Variants in ARHGAP26 observed in about 807,000 individuals in gnomAD.
ARHGAP26 encodes the protein rho GTPase-activating protein 26.
A neutral mutation model predicts 104.8 loss-of-function variants in ARHGAP26; 38 were observed. That is an observed-to-expected ratio of 0.36 (90% confidence interval 0.28 to 0.48). ARHGAP26 has a LOEUF of 0.48. ARHGAP26 is among the 20% of genes least tolerant of loss of function. The probability of loss-of-function intolerance (pLI) is 0.99; values close to 1 mark genes in which losing one functional copy is unlikely to be tolerated. For missense variants in ARHGAP26, 704 were observed against 947.9 expected, an observed-to-expected ratio of 0.74 and a Z score of 3.38; for synonymous variants, 341 against 340.0, an observed-to-expected ratio of 1.00 and a Z score of -0.03.
At chr5:142,837,553 G>A (rs1268056471) in intron 1 of ARHGAP26, among the ~76,000 whole-genome samples, 1 of 152,208 alleles carries the variant, frequency 6.6e-6, no homozygotes, top group Non-Finnish European at 1.5e-5. Context: ...AGTTGTGCCT[G>A]CTTCTCCTGC....
intron 17 of ARHGAP26, among the ~76,000 whole-genome samples, chr5:143,120,166 G>A (rs922669230): frequency 6.6e-6 from 1 of 152,200 alleles, no homozygotes; most frequent in Non-Finnish European, 1.5e-5. Flanking sequence ...TGATTTATAT[G>A]TTTTTATACA....
chr5:142,770,434 T>A lies in ARHGAP26; in HGVS notation c.-328T>A, dbSNP rs1754965486. On this transcript the variant is annotated 5_prime_UTR_variant, in exon 1 of 23. Coordinates refer to ENST00000645722, the MANE Select transcript of ARHGAP26 (RefSeq NM_001135608.3). ...GAGGGCGCTCGAGGCTGCCGAGAGCTAGCTAGCGAAGGAGGCGGGGAGGCG... is the reference window on the plus strand; with the variant it reads ...GAGGGCGCTCGAGGCTGCCGAGAGCAAGCTAGCGAAGGAGGCGGGGAGGCG... 1 of 192,892 alleles carries A rather than the reference T, an allele frequency of 5.2e-6. No individual in the cohort carries two copies. Among genetic ancestry groups the A allele is most frequent in the South Asian group, 1.9e-4 (1 of 5,216 alleles). The allele number at this position is 192,892 out of a possible 1,614,324, so 11.9% of individuals were successfully genotyped here.
chr5:143,166,695 A>G (rs1047859567), intron 20 of ARHGAP26, among the ~76,000 whole-genome samples: 7 of 152,176 alleles, frequency 4.6e-5, no homozygotes, highest in Non-Finnish European at 8.8e-5. Context: ...GAAAGCATCT[A>G]TGGACTGGAG....
In ARHGAP26 at chr5:143,176,339, T is replaced by G. The variant is rs1032146308; in HGVS notation, c.1988+28958T>G. On this transcript the variant is annotated intron_variant, in intron 20 of 22. Coordinates refer to ENST00000645722, the MANE Select transcript of ARHGAP26 (RefSeq NM_001135608.3). ...TTATATTTATGAACTGACGTTCACT[T>G]CTTAGATGGTAGGAATTAATCCAGT... Among the ~76,000 whole-genome samples, 54 of 152,184 alleles carry G rather than the reference T, an allele frequency of 3.5e-4. 3 individuals carry two copies. Among genetic ancestry groups the G allele is most frequent in the Non-Finnish European group, 5.9e-5 (4 of 68,040 alleles).
intron 17 of ARHGAP26, among the ~76,000 whole-genome samples, chr5:143,084,692 C>T (rs1790299435): frequency 6.6e-6 from 1 of 152,194 alleles, no homozygotes; most frequent in Admixed American, 6.5e-5. Context: ...GAATAACCAG[C>T]TGCTTGTAGG....
intron 1 of ARHGAP26, among the ~76,000 whole-genome samples, chr5:142,808,977 A>G (rs368122178): frequency 2.0e-5 from 3 of 152,354 alleles, no homozygotes; most frequent in African/African-American, 7.2e-5. Flanking sequence ...CTTGCCCATC[A>G]GATGGCTGCC....
intron 1 of ARHGAP26, among the ~76,000 whole-genome samples, chr5:142,779,612 G>A (rs1394536764): frequency 6.6e-6 from 1 of 152,324 alleles, no homozygotes; most frequent in Admixed American, 6.5e-5. Flanking sequence ...AAAAGATACC[G>A]CTGGTAAGTT....
chr5:142,875,915 T>C (rs1043281994), intron 3 of ARHGAP26, among the ~76,000 whole-genome samples: 2 of 152,192 alleles, frequency 1.3e-5, no homozygotes, highest in Admixed American at 1.3e-4. Flanking sequence ...TAATTTATTT[T>C]TGTTTTTTGT....
At chr5:142,832,257 A>G (rs1249118206) in intron 1 of ARHGAP26, among the ~76,000 whole-genome samples, 3 of 152,214 alleles carry the variant, frequency 2.0e-5, no homozygotes, top group Non-Finnish European at 4.4e-5. Flanking sequence ...AACTCCCAAT[A>G]TAACTACTTG....
chr5:142,858,094 T>TGTGTGAGAGAGA (rs1424264346), intron 1 of ARHGAP26, among the ~76,000 whole-genome samples: 1 of 127,172 alleles, frequency 7.9e-6, no homozygotes, highest in African/African-American at 3.1e-5. Flanking sequence ...TGTGTGTGTG[T>TGTGTGAGAGAGA]GAGAGAGAGA....
At chr5:143,171,149 G>A (rs1227856142) in intron 20 of ARHGAP26, among the ~76,000 whole-genome samples, 1 of 152,202 alleles carries the variant, frequency 6.6e-6, no homozygotes, top group African/African-American at 2.4e-5. Context: ...ACCATCTGCT[G>A]TTGCCAGGCA....
chr5:143,048,936 AC>A (rs1308762445), intron 14 of ARHGAP26, among the ~76,000 whole-genome samples: 1 of 149,652 alleles, frequency 6.7e-6, no homozygotes, highest in Admixed American at 6.7e-5. Flanking sequence ...AAAAAAAAAA[AC>A]CTTACCCAAT....
chr5:143,020,634 T>C (rs1263514144), intron 12 of ARHGAP26, among the ~76,000 whole-genome samples: 1 of 6,210 alleles, frequency 1.6e-4, no homozygotes, highest in African/African-American at 3.5e-4. Flanking sequence ...CTCTAGTGCT[T>C]TTTTTTTTTT....
intron 10 of ARHGAP26, among the ~76,000 whole-genome samples, chr5:142,923,904 C>T (rs1467030520): frequency 6.8e-6 from 1 of 146,664 alleles, no homozygotes; most frequent in East Asian, 2.0e-4. Flanking sequence ...CTCTGTCGCC[C>T]AGGCTGGAGT....
intron 6 of ARHGAP26, among the ~76,000 whole-genome samples, chr5:142,897,358 G>A (rs906885630): frequency 6.6e-6 from 1 of 152,242 alleles, no homozygotes; most frequent in African/African-American, 2.4e-5. Context: ...GCTGGATATA[G>A]GATTCAGATG....
At chr5:143,177,213 C>T (rs1803587483) in intron 20 of ARHGAP26, among the ~76,000 whole-genome samples, 1 of 151,992 alleles carries the variant, frequency 6.6e-6, no homozygotes, top group African/African-American at 2.4e-5. Flanking sequence ...TATTAGTTTC[C>T]CAAGTGTCTT....
rs182945862 is a variant in ARHGAP26, at chr5:143,129,598, A to G, written c.1699-4369A>G. Among the ~76,000 whole-genome samples, 167 of 152,328 alleles carry G rather than the reference A, an allele frequency of 1.1e-3. 1 individual carries two copies. Among genetic ancestry groups the G allele is most frequent in the Middle Eastern group, 6.8e-3 (2 of 294 alleles). On this transcript the variant is annotated intron_variant, in intron 18 of 22. Transcript: ENST00000645722. ...CCCAGTCCAGCTGCACTCCTTATCTATGTGACCTTGGACAAATCAGTGAAT... is the reference window on the plus strand; with the variant it reads ...CCCAGTCCAGCTGCACTCCTTATCTGTGTGACCTTGGACAAATCAGTGAAT...
At chr5:143,199,364 T>A (rs1807355931) in intron 20 of ARHGAP26, among the ~76,000 whole-genome samples, 1 of 152,184 alleles carries the variant, frequency 6.6e-6, no homozygotes, top group Non-Finnish European at 1.5e-5. Flanking sequence ...AGATAAAAAC[T>A]GGTTTTGTGT....
At chr5:142,793,113 G>T (rs1760196792) in intron 1 of ARHGAP26, among the ~76,000 whole-genome samples, 1 of 152,080 alleles carries the variant, frequency 6.6e-6, no homozygotes. Context: ...ACCGCAAACA[G>T]TACATGGTGC....
Sources: gnomAD v4.1 joint callset for allele counts (sites outside exome capture counted in the v4.1 genomes callset) on GRCh38, gnomAD v4.1.1 for gene constraint, MANE v1.5 for transcripts, NCBI Gene and HGNC (gene_info 2026-07-23, HGNC 2026-07-21) for gene names.